The following SLC38A1 variants were observed in gnomAD, a reference collection of about 807,000 sequenced individuals.
SLC38A1 encodes the protein solute carrier family 38 member 1, also known as sodium-coupled neutral amino acid symporter 1.
A neutral mutation model predicts 60.3 loss-of-function variants in SLC38A1; 18 were observed. The ratio of observed to expected loss-of-function variants is 0.30; its 90% CI spans 0.21 to 0.44. The LOEUF (loss-of-function observed/expected upper bound fraction) is 0.44, where lower values mean the gene tolerates loss of function less well. SLC38A1 is among the 20% of genes least tolerant of loss of function. SLC38A1 has a pLI of 1.00. For synonymous variants in SLC38A1, 196 were observed against 212.1 expected, an observed-to-expected ratio of 0.92 and a Z score of 0.66; for missense variants, 448 against 587.2, an observed-to-expected ratio of 0.76 and a Z score of 2.45.
At chr12:46,228,435 C>T (rs1940948377) in intron 5 of SLC38A1, among the ~76,000 whole-genome samples, 1 of 152,166 alleles carries the variant, frequency 6.6e-6, no homozygotes, top group East Asian at 1.9e-4. Flanking sequence ...AGTCAGGGAA[C>T]AAAAGGCAAG....
chr12:46,246,491 C>T (rs1212629410), intron 1 of SLC38A1, among the ~76,000 whole-genome samples: 1 of 152,234 alleles, frequency 6.6e-6, no homozygotes, highest in African/African-American at 2.4e-5. Flanking sequence ...AATAGATAAA[C>T]AAAGCAGCCA....
At chr12:46,190,919 A>G (rs998720477) in intron 16 of SLC38A1, among the ~76,000 whole-genome samples, 3 of 152,198 alleles carry the variant, frequency 2.0e-5, no homozygotes, top group African/African-American at 7.2e-5. Flanking sequence ...TTTGCTGTGC[A>G]GAAGCTCTTT....
chr12:46,201,101 A>G lies in SLC38A1; in HGVS notation c.1000T>C (p.Tyr334His), dbSNP rs1332186253. The G allele has an allele frequency of 6.3e-7, 1 of 1,596,852 alleles. No individual in the cohort carries two copies. Among genetic ancestry groups the G allele is most frequent in the East Asian group, 2.2e-5 (1 of 44,662 alleles). ...TGTACCAGTAGAAATTACTTACCATAGAATGTCAAGTAGCCAAAAATGGCA... is the reference window on the plus strand; with the variant it reads ...TGTACCAGTAGAAATTACTTACCATGGAATGTCAAGTAGCCAAAAATGGCA... Reference protein sequence around the residue: ...LTAIFGYLTFYDNVQSDLLHK... With the variant: ...LTAIFGYLTFHDNVQSDLLHK... The change falls in exon 13 of 17, where the codon TAT becomes CAT. Residue 334 changes from tyrosine (Y) to histidine (H), a missense_variant. Transcript: ENST00000398637.
chr12:46,244,622 T>C (rs747877860), intron 1 of SLC38A1, among the ~76,000 whole-genome samples: 1 of 152,174 alleles, frequency 6.6e-6, no homozygotes, highest in Non-Finnish European at 1.5e-5. Context: ...AAGTGATGTG[T>C]TCCTCTAGCA....
chr12:46,245,192 CTTG>C, intron 1 of SLC38A1, among the ~76,000 whole-genome samples: 1 of 152,316 alleles, frequency 6.6e-6, no homozygotes. Flanking sequence ...AATTCTAAAA[CTTG>C]TTATGAATCA....
Position 46,204,394 on chromosome 12 carries a change from A to G in SLC38A1, c.729T>C (p.Ile243=). 1 of 1,613,292 alleles carries G rather than the reference A, an allele frequency of 6.2e-7. No individual in the cohort carries two copies. The highest frequency in any genetic ancestry group is 8.5e-7 in the Non-Finnish European group (1 of 1,179,382). ...AATTTAGCTCTGGAACAATGCAGGGAATTTGAAATTTCTTGTAAATAACCT... is the reference window on the plus strand; with the variant it reads ...AATTTAGCTCTGGAACAATGCAGGGGATTTGAAATTTCTTGTAAATAACCT... ...LIVVIYKKFQ[I]PCIVPELNST... The change falls in exon 11 of 17, where the codon ATT becomes ATC. Residue 243 remains isoleucine, a synonymous_variant. Coordinates refer to ENST00000398637, the MANE Select transcript of SLC38A1 (RefSeq NM_030674.4).
intron 1 of SLC38A1, among the ~76,000 whole-genome samples, chr12:46,266,164 C>A (rs1942344794): frequency 6.6e-6 from 1 of 152,148 alleles, no homozygotes; most frequent in Non-Finnish European, 1.5e-5. Flanking sequence ...AGGTCTCGAT[C>A]CAACAAGTAT....
At chr12:46,256,611 GCGCA>G (rs1215742830) in intron 1 of SLC38A1, among the ~76,000 whole-genome samples, 3 of 112,994 alleles carry the variant, frequency 2.7e-5, no homozygotes, top group Non-Finnish European at 5.6e-5. Flanking sequence ...GCGCGCGCGC[GCGCA>G]CACACACACA....
Position 46,186,375 on chromosome 12 carries a change from T to TTATACCCTAG in SLC38A1, c.*2594_*2595insCTAGGGTATA, listed in dbSNP as rs1341621440. On this transcript the variant is annotated 3_prime_UTR_variant, in exon 17 of 17. Transcript: ENST00000398637. ...AGATCCTACCTACCAAAGGAAAACGTGCTGCTCCCCATGCCTAGGGTATAG... is the reference window on the plus strand; with the variant it reads ...AGATCCTACCTACCAAAGGAAAACGTTATACCCTAGGCTGCTCCCCATGCCTAGGGTATAG... 1 of 152,218 alleles carries TTATACCCTAG rather than the reference T, an allele frequency of 6.6e-6. No homozygotes were observed. Among genetic ancestry groups the TTATACCCTAG allele is most frequent in the Non-Finnish European group, 1.5e-5 (1 of 68,034 alleles). 9.4% of individuals were successfully genotyped at this position (152,218 alleles called of 1,614,324 possible).
intron 9 of SLC38A1, 25 bp from the exon 10 acceptor site, chr12:46,204,615 T>G: frequency 6.4e-7 from 1 of 1,556,662 alleles, no homozygotes; most frequent in Non-Finnish European, 8.7e-7. Context: ...AAAAAATAAA[T>G]TATTTCATTT....
rs1939806718 is a variant in SLC38A1 at position 46,204,544 on chromosome 12, A to G, written c.693T>C (p.Phe231=). 2 of 1,613,030 alleles carry G rather than the reference A, an allele frequency of 1.2e-6. No individual in the cohort carries two copies. Among genetic ancestry groups the G allele is most frequent in the Non-Finnish European group, 1.7e-6 (2 of 1,179,658 alleles). The stretch of plus-strand genomic sequence containing the variant: ...AATCAGCACTTACCACAATTAGGAA[A>G]AAAACCATACAGCTCAAGGAAAATC... ...TSGFSLSCMV[F]FLIVVIYKKF... The change falls in exon 10 of 17, where the codon TTT becomes TTC. Residue 231 remains phenylalanine, a synonymous_variant. Coordinates refer to ENST00000398637, the MANE Select transcript of SLC38A1 (RefSeq NM_030674.4).
rs993659217 is a variant in SLC38A1, at chr12:46,267,999, C to G, written c.-209+527G>C. Reference sequence around the variant, plus strand: ...ACCAGGAAGGACGGCAAACATGCCCCGGTTTAGTGGTGGTCCGCGGCCGCT... The same window carrying G: ...ACCAGGAAGGACGGCAAACATGCCCGGGTTTAGTGGTGGTCCGCGGCCGCT... On this transcript the variant is annotated intron_variant, in intron 1 of 16. Coordinates refer to ENST00000398637, the MANE Select transcript of SLC38A1 (RefSeq NM_030674.4). Among the ~76,000 whole-genome samples the G allele has an allele frequency of 4.6e-5, 7 of 152,310 alleles. No individual in the cohort carries two copies. In the South Asian group the frequency reaches 1.0e-3, roughly 23 times the overall value.
chr12:46,242,447 G>T (rs1204632090), intron 2 of SLC38A1, among the ~76,000 whole-genome samples: 2 of 152,022 alleles, frequency 1.3e-5, no homozygotes, highest in East Asian at 3.9e-4. Context: ...CATTTGGATT[G>T]GACCTTGAAA....
Position 46,207,534 on chromosome 12 carries a change from G to A in SLC38A1, c.476C>T (p.Thr159Ile). ...VIFGATSLQN[T>I]GAMLSYLFIV... is the part of the protein sequence containing the mutation. ...GAAAAGCATGTTCTTTTTACCTCCA[G>A]TGTTCTGTAGAGAGGTGGCTCCAAA... is the stretch of plus-strand genomic sequence containing the variant. Residue 159 changes from threonine to isoleucine, a missense_variant, in exon 7 of 17, where the codon ACT becomes ATT. Physicochemically the swap from Thr to Ile is moderately conservative, Grantham distance 89. This residue lies in a region of SLC38A1 where 346 missense variants were observed against 497.5 expected (regional missense o/e 0.70). Transcript: ENST00000398637. The A allele has an allele frequency of 6.2e-7, 1 of 1,613,498 alleles. No homozygotes were observed.
In SLC38A1 at chr12:46,239,778, A is replaced by G. The variant is rs763672505; in HGVS notation, c.23T>C (p.Leu8Pro). 1 of 1,613,134 alleles carries G rather than the reference A, an allele frequency of 6.2e-7. No homozygotes were observed. The highest frequency in any genetic ancestry group is 8.5e-7 in the Non-Finnish European group (1 of 1,179,968). ...CATGTTTTGCAACTCAGTTAATTCGAGTCCACTTTTGAAATGCATCATGAT... is the reference window on the plus strand; with the variant it reads ...CATGTTTTGCAACTCAGTTAATTCGGGTCCACTTTTGAAATGCATCATGAT... MMHFKSG[L>P]ELTELQNMTV... Residue 8 changes from leucine (L) to proline (P), a missense_variant, in exon 3 of 17, where the codon CTC becomes CCC. Leu to Pro is a moderately conservative substitution (Grantham distance 98). Around this residue, in one of 2 missense-constraint regions of SLC38A1, gnomAD observed 102 missense variants for 89.7 expected, o/e 1.14. Coordinates refer to ENST00000398637, the MANE Select transcript of SLC38A1 (RefSeq NM_030674.4).
intron 3 of SLC38A1, among the ~76,000 whole-genome samples, chr12:46,230,349 T>C (rs990884873): frequency 1.3e-5 from 2 of 152,098 alleles, no homozygotes; most frequent in African/African-American, 4.8e-5. Context: ...GCAAGGCATA[T>C]GGTCGATGGT....
At chr12:46,225,265 G>A (rs1026450996) in intron 5 of SLC38A1, among the ~76,000 whole-genome samples, 1 of 152,148 alleles carries the variant, frequency 6.6e-6, no homozygotes, top group African/African-American at 2.4e-5. Flanking sequence ...AAATAGTGAG[G>A]ATCTGTTGAA....
chr12:46,229,140 C>A lies in SLC38A1; in HGVS notation c.314+13G>T. 1 of 1,517,694 alleles carries A rather than the reference C, an allele frequency of 6.6e-7. No homozygotes were observed. Among genetic ancestry groups the A allele is most frequent in the Non-Finnish European group, 9.1e-7 (1 of 1,094,564 alleles). The allele number at this position is 1,517,694 out of a possible 1,614,324, so 94.0% of individuals were successfully genotyped here. Reference sequence around the variant, plus strand: ...AGTTTTAAAATGGAAAGTACCGGCACGTCAATACTCACAGAAAAAGTAGGA... The same window carrying A: ...AGTTTTAAAATGGAAAGTACCGGCAAGTCAATACTCACAGAAAAAGTAGGA... On this transcript the variant is annotated intron_variant, in intron 5 of 16. Coordinates refer to ENST00000398637, the MANE Select transcript of SLC38A1 (RefSeq NM_030674.4).
In SLC38A1 at chr12:46,268,581, G is replaced by A; in HGVS notation, c.-264C>T. 5.7e-6 allele frequency: 1 copy of A among 176,354 alleles called. No homozygotes were observed. Among genetic ancestry groups the A allele is most frequent in the South Asian group, 8.9e-5 (1 of 11,248 alleles). 10.9% of individuals were successfully genotyped at this position (176,354 alleles called of 1,614,324 possible). On this transcript the variant is annotated 5_prime_UTR_variant, in exon 1 of 17. Coordinates refer to ENST00000398637, the MANE Select transcript of SLC38A1 (RefSeq NM_030674.4). This position sits in a 1 kb window ranked among gnomAD's most constrained non-coding sequence, Gnocchi z 4.4. The stretch of plus-strand genomic sequence containing the variant: ...GCGATGTGGAGGTGTCCGCCCTTCC[G>A]GGGTTTTTACCCTCGGCAGTTTGAT...
Sources: allele counts gnomAD v4.1 joint callset (sites outside exome capture counted in the v4.1 genomes callset), GRCh38; gene constraint gnomAD v4.1.1; regional missense constraint gnomAD v4.1.1; non-coding constraint Gnocchi (gnomAD v3.1); transcripts MANE v1.5; gene names NCBI Gene and HGNC (gene_info 2026-07-23, HGNC 2026-07-21).